FBXW7: variants seen among roughly 807,000 people sequenced by gnomAD.
FBXW7 encodes the protein F-box and WD repeat domain containing 7.
A neutral mutation model predicts 86.3 loss-of-function variants in FBXW7; 11 were observed. The observed-to-expected ratio is 0.13, with a 90% CI of 0.08 to 0.21. The LOEUF is 0.21. Among genes scored for constraint, FBXW7 ranks in the 10% least tolerant of loss-of-function variants. The pLI, the probability that FBXW7 is intolerant of heterozygous loss-of-function variation, is 1.00. For missense variants in FBXW7, 488 were observed against 847.4 expected (o/e 0.58, Z 5.27); for synonymous variants, 313 against 297.9 (o/e 1.05, Z -0.52).
At chr4:152,472,035 CA>C (rs916094683) in intron 2 of FBXW7, among the ~76,000 whole-genome samples, 1 of 151,490 alleles carries the variant, frequency 6.6e-6, no homozygotes, top group Non-Finnish European at 1.5e-5. Flanking sequence ...TTCAACTCAA[CA>C]AAAAAAACAA....
chr4:152,497,191 C>T (rs1313952685), intron 2 of FBXW7, among the ~76,000 whole-genome samples: 2 of 151,570 alleles, frequency 1.3e-5, no homozygotes, highest in Admixed American at 6.6e-5. Context: ...GGTGTGGTGG[C>T]GGGCACCTAT....
intron 4 of FBXW7, among the ~76,000 whole-genome samples, chr4:152,401,502 G>C (rs536512710): frequency 6.6e-6 from 1 of 152,146 alleles, no homozygotes; most frequent in African/African-American, 2.4e-5. Flanking sequence ...CTATGGAGAC[G>C]GTGAAAGGAT....
chr4:152,506,825 G>C (rs1288244317), intron 2 of FBXW7, among the ~76,000 whole-genome samples: 1 of 152,244 alleles, frequency 6.6e-6, no homozygotes, highest in Non-Finnish European at 1.5e-5. Flanking sequence ...CAGTTCCAAT[G>C]TGAGGCTGAT....
At chr4:152,343,515 ATAT>A (rs1275180922) in intron 6 of FBXW7, among the ~76,000 whole-genome samples, 1 of 152,204 alleles carries the variant, frequency 6.6e-6, no homozygotes, top group Non-Finnish European at 1.5e-5. Flanking sequence ...GAATGGTTAT[ATAT>A]TAATGAAATT....
At chr4:152,382,930 TATA>T (rs1225241085) in intron 4 of FBXW7, among the ~76,000 whole-genome samples, 1 of 152,056 alleles carries the variant, frequency 6.6e-6, no homozygotes, top group African/African-American at 2.4e-5. Flanking sequence ...TTAGATATAT[TATA>T]ATGAGCACTA....
chr4:152,493,012 G>C (rs1276167827), intron 2 of FBXW7, among the ~76,000 whole-genome samples: 1 of 151,634 alleles, frequency 6.6e-6, no homozygotes, highest in Non-Finnish European at 1.5e-5. Context: ...AATAACAGAA[G>C]TAAGAGAAGC....
intron 13 of FBXW7, chr4:152,323,438 T>A: frequency 4.6e-6 from 2 of 436,410 alleles, no homozygotes; most frequent in South Asian, 4.6e-5. Flanking sequence ...ACAGCATTCC[T>A]TGGTGAGGAT....
intron 2 of FBXW7, chr4:152,530,171 G>A (rs1035132308): frequency 6.7e-6 from 1 of 149,498 alleles, no homozygotes; most frequent in Admixed American, 6.7e-5. Flanking sequence ...GCTTTTTAAA[G>A]TACACATTTA....
chr4:152,329,586 A>T, intron 10 of FBXW7, 86 bp downstream of exon 10: 2 of 621,520 alleles, frequency 3.2e-6, no homozygotes, highest in Non-Finnish European at 5.4e-6. Context: ...ATCAAAAATG[A>T]ATTATTGTTT....
At chr4:152,464,806 T>C (rs1281965933) in intron 2 of FBXW7, among the ~76,000 whole-genome samples, 2 of 152,234 alleles carry the variant, frequency 1.3e-5, no homozygotes, top group Non-Finnish European at 2.9e-5. Context: ...ATTAAGTTTT[T>C]CATTAAAGAA....
intron 2 of FBXW7, among the ~76,000 whole-genome samples, chr4:152,515,764 T>C (rs985319887): frequency 1.3e-5 from 2 of 152,112 alleles, no homozygotes; most frequent in African/African-American, 4.8e-5. Context: ...TTTTTTTTTT[T>C]TTTTTGCAAG....
chr4:152,490,770 T>A (rs909594833), intron 2 of FBXW7, among the ~76,000 whole-genome samples: 1 of 152,164 alleles, frequency 6.6e-6, no homozygotes, highest in Non-Finnish European at 1.5e-5. Context: ...ACATGTTTAA[T>A]GGTATAATTA....
In FBXW7 at chr4:152,535,740, C is replaced by G. The variant is rs901136943; in HGVS notation, c.-826G>C. ...GAAGCTCTGGCGCCTCCTCAGCGTT[C>G]TCTCACCGCGGAGCAGCTACCCACT... is the stretch of plus-strand genomic sequence containing the variant. On this transcript the variant is annotated 5_prime_UTR_variant, in exon 1 of 14. Transcript: ENST00000281708. 1.3e-5 allele frequency: 5 copies of G among 394,464 alleles called. No homozygotes were observed. The highest frequency in any genetic ancestry group is 2.2e-5 in the Non-Finnish European group (5 of 223,378). 24.4% of individuals were successfully genotyped at this position (394,464 alleles called of 1,614,324 possible).
At chr4:152,511,042 T>A (rs1747913681) in intron 2 of FBXW7, among the ~76,000 whole-genome samples, 1 of 151,476 alleles carries the variant, frequency 6.6e-6, no homozygotes, top group East Asian at 1.9e-4. Flanking sequence ...CGGTTAATTT[T>A]TTTTTTTTTT....
At chr4:152,502,382 A>G (rs1325869564) in intron 2 of FBXW7, among the ~76,000 whole-genome samples, 1 of 152,264 alleles carries the variant, frequency 6.6e-6, no homozygotes, top group Admixed American at 6.5e-5. Context: ...ACACATAAAA[A>G]TACTGATCTA....
At chr4:152,477,647 G>C (rs1347642439) in intron 2 of FBXW7, among the ~76,000 whole-genome samples, 1 of 151,950 alleles carries the variant, frequency 6.6e-6, no homozygotes, top group Non-Finnish European at 1.5e-5. Context: ...TAACATTTTT[G>C]CATTTTTAGG....
intron 4 of FBXW7, among the ~76,000 whole-genome samples, chr4:152,374,366 CAAAATT>C (rs1734292189): frequency 6.6e-6 from 1 of 151,920 alleles, no homozygotes; most frequent in South Asian, 2.1e-4. Flanking sequence ...TTTTCATTTT[CAAAATT>C]AGTACATAGT....
chr4:152,419,369 A>G (rs1392599029), intron 2 of FBXW7, among the ~76,000 whole-genome samples: 1 of 152,100 alleles, frequency 6.6e-6, no homozygotes, highest in Non-Finnish European at 1.5e-5. Flanking sequence ...TTTTCCCCCA[A>G]GAAAAAGTGA....
chr4:152,402,301 G>C (rs536198610), intron 4 of FBXW7, among the ~76,000 whole-genome samples: 2 of 151,858 alleles, frequency 1.3e-5, no homozygotes, highest in South Asian at 4.2e-4. Flanking sequence ...GGTTATCAGG[G>C]TACCTGATAA....
Sources: gnomAD v4.1 joint callset for allele counts (sites outside exome capture counted in the v4.1 genomes callset) on GRCh38, gnomAD v4.1.1 for gene constraint, MANE v1.5 for transcripts, NCBI Gene and HGNC (gene_info 2026-07-23, HGNC 2026-07-21) for gene names.